HOXD11: variants seen among roughly 807,000 people sequenced by gnomAD.
HOXD11 encodes homeobox D11.
In HOXD11, 16 loss-of-function variants were observed where a neutral mutation model predicts 23.1. The ratio of observed to expected loss-of-function variants is 0.69; its 90% CI spans 0.47 to 1.05. The LOEUF is 1.05. HOXD11 is among the 50% of genes least tolerant of loss of function. The pLI, the probability that HOXD11 is intolerant of heterozygous loss-of-function variation, is 0.00. For synonymous variants in HOXD11, 262 were observed against 224.4 expected (o/e 1.17, Z -1.50); for missense variants, 564 against 495.6 (o/e 1.14, Z -1.31).
the HOXD11 span, among the ~76,000 whole-genome samples, chr2:176,114,776 T>C: frequency 1.3e-5 from 2 of 152,156 alleles, no homozygotes; most frequent in African/African-American, 2.4e-5. Flanking sequence ...TCTATTGAGG[T>C]GGAAACCCAA....
the HOXD11 span, among the ~76,000 whole-genome samples, chr2:176,115,547 C>A: frequency 6.6e-6 from 1 of 152,272 alleles, no homozygotes; most frequent in Admixed American, 6.5e-5. Flanking sequence ...GTGGCAACAG[C>A]GGGCATAACT....
downstream of HOXD11, among the ~76,000 whole-genome samples, chr2:176,113,227 G>A (rs1042732638): frequency 6.6e-6 from 1 of 152,168 alleles, no homozygotes; most frequent in Non-Finnish European, 1.5e-5. Flanking sequence ...CAGCCCAGAG[G>A]TGGCTCAGAA....
chr2:176,115,038 C>A, the HOXD11 span, among the ~76,000 whole-genome samples: 1 of 152,276 alleles, frequency 6.6e-6, no homozygotes, highest in Non-Finnish European at 1.5e-5. Flanking sequence ...GCTGCTGCCC[C>A]GAGGCCCGGG....
Position 176,107,489 on chromosome 2 carries a change from T to G in HOXD11, c.134T>G (p.Phe45Cys). The G allele has an allele frequency of 1.9e-6, 3 of 1,613,834 alleles. No homozygotes were observed. Among genetic ancestry groups the G allele is most frequent in the South Asian group, 1.1e-5 (1 of 91,080 alleles). Reference protein sequence around the residue: ...LSQPSSCQMTFPYSSNLAPHV... With the variant: ...LSQPSSCQMTCPYSSNLAPHV... ...CAACCGTCGTCCTGCCAGATGACTTTCCCCTACTCTTCCAACCTGGCTCCG... is the reference window on the plus strand; with the variant it reads ...CAACCGTCGTCCTGCCAGATGACTTGCCCCTACTCTTCCAACCTGGCTCCG... Residue 45 changes from phenylalanine to cysteine, a missense_variant, in exon 1 of 2, where the codon TTC (phenylalanine) becomes TGC (cysteine). Physicochemically the swap from Phe to Cys is radical, Grantham distance 205 (BLOSUM62 -2). Transcript: ENST00000249504.
rs1037967563 is a variant in HOXD11, at chr2:176,109,012, G to A, written c.887G>A (p.Arg296Lys). ...AACGTGTACATAAACAAAGAGAAAAGACTTCAACTCTCTCGGATGCTCAAC... is the reference window on the plus strand; with the variant it reads ...AACGTGTACATAAACAAAGAGAAAAAACTTCAACTCTCTCGGATGCTCAAC... ...FFNVYINKEKRLQLSRMLNLT... is the reference protein window; with the variant it reads ...FFNVYINKEKKLQLSRMLNLT... Residue 296 changes from arginine (R) to lysine (K), a missense_variant, in exon 2 of 2, where the codon AGA becomes AAA. Arg to Lys is a conservative substitution (Grantham distance 26). Transcript: ENST00000249504. The A allele has an allele frequency of 6.2e-7, 1 of 1,614,052 alleles. No individual in the cohort carries two copies. Among genetic ancestry groups the A allele is most frequent in the Non-Finnish European group, 8.5e-7 (1 of 1,179,870 alleles).
In HOXD11 at chr2:176,107,678, C is replaced by T. The variant is rs1408115420; in HGVS notation, c.323C>T (p.Ala108Val). The change falls in exon 1 of 2, where the codon GCG becomes GTG. Residue 108 changes from alanine to valine, a missense_variant. Transcript: ENST00000249504. ...GCGGGGGGCTACGCTCCCTACTACG[C>T]GGCGGCGGCGGCGGCGGCTGCGGCG... is the stretch of plus-strand genomic sequence containing the variant. ...GGAGGYAPYY[A>V]AAAAAAAAAA... 2.1e-6 allele frequency: 2 copies of T among 940,674 alleles called. No individual in the cohort carries two copies. The highest frequency in any genetic ancestry group is 2.5e-6 in the Non-Finnish European group (2 of 790,742). 58.3% of individuals were successfully genotyped at this position (940,674 alleles called of 1,614,324 possible). A position where few individuals can be genotyped will look rare whatever the true frequency, so the allele number is the denominator to read the frequency against.
At chr2:176,112,836 C>A (rs1021254799), downstream of HOXD11, among the ~76,000 whole-genome samples, 2 of 152,228 alleles carry the variant, frequency 1.3e-5, no homozygotes, top group South Asian at 2.1e-4. Context: ...TTCCTCCCTG[C>A]GCCCAAGATG....
Position 176,109,247 on chromosome 2 carries a change from C to T in HOXD11, c.*105C>T, listed in dbSNP as rs1439462778. On this transcript the variant is annotated 3_prime_UTR_variant, in exon 2 of 2. Transcript: ENST00000249504. Reference sequence around the variant, plus strand: ...CCTTGGGTTTAATGACGTCTCTTCTCTGTGGAACTTCACGATTCCTTCCCA... The same window carrying T: ...CCTTGGGTTTAATGACGTCTCTTCTTTGTGGAACTTCACGATTCCTTCCCA... 4.1e-6 allele frequency: 3 copies of T among 723,162 alleles called. No individual in the cohort carries two copies. Among genetic ancestry groups the T allele is most frequent in the Non-Finnish European group, 7.3e-6 (3 of 412,212 alleles). The allele number at this position is 723,162 out of a possible 1,614,324, so 44.8% of individuals were successfully genotyped here.
At chr2:176,115,334 A>C in the HOXD11 span, among the ~76,000 whole-genome samples, 1,312 of 152,380 alleles carry the variant, frequency 8.6e-3, 19 homozygotes, top group African/African-American at 0.03. Context: ...TGTAAAACTC[A>C]ACTTCTGACA....
rs1193180271 is a variant in HOXD11, at chr2:176,107,810, G to C, written c.455G>C (p.Gly152Ala). ...KAPEPVCAAP[G>A]PPHGPAGAAS... ...CCTGAGCCGGTGTGCGCTGCGCCGGGGCCGCCGCACGGCCCCGCGGGCGCC... is the reference window on the plus strand; with the variant it reads ...CCTGAGCCGGTGTGCGCTGCGCCGGCGCCGCCGCACGGCCCCGCGGGCGCC... The change falls in exon 1 of 2, where the codon GGG becomes GCG. Residue 152 changes from glycine (G) to alanine (A), a missense_variant. Coordinates refer to ENST00000249504, the MANE Select transcript of HOXD11 (RefSeq NM_021192.3). 7.2e-7 allele frequency: 1 copy of C among 1,398,332 alleles called. No individual in the cohort carries two copies. Among genetic ancestry groups the C allele is most frequent in the Non-Finnish European group, 9.3e-7 (1 of 1,075,496 alleles). The allele number at this position is 1,398,332 out of a possible 1,614,324, so 86.6% of individuals were successfully genotyped here.
At chr2:176,111,800 C>T (rs1431420478), downstream of HOXD11, among the ~76,000 whole-genome samples, 1 of 140,010 alleles carries the variant, frequency 7.1e-6, no homozygotes, top group African/African-American at 2.8e-5. Context: ...TTGGACACCC[C>T]CTACTTAACA....
chr2:176,107,669 C>T lies in HOXD11; in HGVS notation c.314C>T (p.Pro105Leu). 2.0e-6 allele frequency: 2 copies of T among 982,432 alleles called. No individual in the cohort carries two copies. Among genetic ancestry groups the T allele is most frequent in the Non-Finnish European group, 1.2e-6 (1 of 828,588 alleles). 60.9% of individuals were successfully genotyped at this position (982,432 alleles called of 1,614,324 possible). The change falls in exon 1 of 2, where the codon CCC (proline) becomes CTC (leucine). Residue 105 changes from proline (P) to leucine (L), a missense_variant. By Grantham distance (98) the Pro-to-Leu change is moderately conservative. Transcript: ENST00000249504. ...GGCGGCGGCGCGGGGGGCTACGCTC[C>T]CTACTACGCGGCGGCGGCGGCGGCG... is the stretch of plus-strand genomic sequence containing the variant. ...GGGGGAGGYAPYYAAAAAAAA... is the reference protein window; with the variant it reads ...GGGGGAGGYALYYAAAAAAAA...
At chr2:176,108,668 T>TGTGTGG in intron 1 of HOXD11, 1 of 528,350 alleles carries the variant, frequency 1.9e-6, no homozygotes, top group Non-Finnish European at 3.3e-6. Context: ...TCTGTGTGTG[T>TGTGTGG]GTGTGTGTGT....
intron 1 of HOXD11, 151 bp from the exon 2 acceptor site, chr2:176,108,756 C>A: frequency 1.6e-6 from 1 of 610,016 alleles, no homozygotes; most frequent in South Asian, 2.0e-5. Context: ...CATATATCAT[C>A]CCCCACGACG....
rs1432656364 is a variant in HOXD11 at position 176,107,892 on chromosome 2, C to T, written c.537C>T (p.Asp179=). The T allele has an allele frequency of 6.9e-7, 1 of 1,455,646 alleles. No individual in the cohort carries two copies. The highest frequency in any genetic ancestry group is 9.1e-7 in the Non-Finnish European group (1 of 1,102,418). 90.2% of individuals were successfully genotyped at this position (1,455,646 alleles called of 1,614,324 possible). A position where few individuals can be genotyped will look rare whatever the true frequency, so the allele number is the denominator to read the frequency against. ...ATGGCATCTTGCCACAGGGCTTCGA[C>T]CAGTTCTACGAGGCAGCGCCCGGGC... is the stretch of plus-strand genomic sequence containing the variant. ...GRNGILPQGF[D]QFYEAAPGPP... Residue 179 remains aspartate, a synonymous_variant, in exon 1 of 2, where the codon GAC becomes GAT. Transcript: ENST00000249504.
downstream of HOXD11, among the ~76,000 whole-genome samples, chr2:176,111,836 A>AAAAAAAAAAAAAAAC (rs1689678263): frequency 6.8e-6 from 1 of 147,394 alleles, no homozygotes; most frequent in South Asian, 2.2e-4. Flanking sequence ...CAAAAAAAAA[A>AAAAAAAAAAAAAAAC]AAAAAAAAAA....
Position 176,107,520 on chromosome 2 carries a change from C to G in HOXD11, c.165C>G (p.Val55=), listed in dbSNP as rs767431761. The G allele has an allele frequency of 8.7e-6, 14 of 1,613,410 alleles. No homozygotes were observed. In the Admixed American group the frequency reaches 2.3e-4, roughly 27 times the overall value. ...ACTCTTCCAACCTGGCTCCGCACGTCCAGCCCGTGCGCGAAGTGGCCTTCC... is the reference window on the plus strand; with the variant it reads ...ACTCTTCCAACCTGGCTCCGCACGTGCAGCCCGTGCGCGAAGTGGCCTTCC... ...FPYSSNLAPH[V]QPVREVAFRD... Residue 55 remains valine, a synonymous_variant, in exon 1 of 2, where the codon GTC becomes GTG. Coordinates refer to ENST00000249504, the MANE Select transcript of HOXD11 (RefSeq NM_021192.3).
downstream of HOXD11, among the ~76,000 whole-genome samples, chr2:176,110,023 A>G (rs1427674321): frequency 6.6e-6 from 1 of 152,212 alleles, no homozygotes; most frequent in East Asian, 1.9e-4. Context: ...GCTAACAAGG[A>G]GTCACAGTCC....
At position 176,109,270 on chromosome 2, in the gene HOXD11, C is replaced by T. The variant is rs1689641916; in HGVS notation, c.*128C>T. On this transcript the variant is annotated 3_prime_UTR_variant, in exon 2 of 2. Coordinates refer to ENST00000249504, the MANE Select transcript of HOXD11 (RefSeq NM_021192.3). ...CTCTGTGGAACTTCACGATTCCTTC[C>T]CACGGTCAACTCGGGACCTCCCAGC... The T allele has an allele frequency of 1.0e-5, 7 of 669,608 alleles. No homozygotes were observed. The highest frequency in any genetic ancestry group is 1.6e-5 in the Non-Finnish European group (6 of 378,892). 41.5% of individuals were successfully genotyped at this position (669,608 alleles called of 1,614,324 possible).
Sources: gnomAD v4.1 joint callset for allele counts (sites outside exome capture counted in the v4.1 genomes callset) on GRCh38, gnomAD v4.1.1 for gene constraint, MANE v1.5 for transcripts, NCBI Gene and HGNC (gene_info 2026-07-23, HGNC 2026-07-21) for gene names.